Variants in KAT6A observed in about 807,000 individuals in gnomAD.
KAT6A encodes the protein lysine acetyltransferase 6A.
A neutral mutation model predicts 198.4 loss-of-function variants in KAT6A; 9 were observed. That is an observed-to-expected ratio of 0.05 (90% CI 0.03 to 0.08). KAT6A has a LOEUF of 0.08. Ranked by LOEUF, KAT6A falls within the 10% of genes least tolerant of loss-of-function variation. The pLI is 1.00. For missense variants in KAT6A, 2,077 were observed against 2,509.9 expected (o/e 0.83, Z 3.69); for synonymous variants, 890 against 883.0 (o/e 1.01, Z -0.14).
intron 2 of KAT6A, among the ~76,000 whole-genome samples, chr8:42,010,469 C>A (rs1220077917): frequency 6.6e-6 from 1 of 152,082 alleles, no homozygotes; most frequent in Non-Finnish European, 1.5e-5. Flanking sequence ...CTAATTAGGG[C>A]AGATCTACAG....
At chr8:41,989,852 A>T (rs1177213801) in intron 2 of KAT6A, among the ~76,000 whole-genome samples, 1 of 152,234 alleles carries the variant, frequency 6.6e-6, no homozygotes, top group Non-Finnish European at 1.5e-5. Flanking sequence ...GTTGGGTGGA[A>T]CACCAATATC....
Position 41,931,703 on chromosome 8 carries a change from A to C in KAT6A, c.*502T>G. On this transcript the variant is annotated 3_prime_UTR_variant, in exon 17 of 17. Coordinates refer to ENST00000265713, the MANE Select transcript of KAT6A (RefSeq NM_006766.5). ...GGGTTGTTCTCCATGTCCCCATCCG[A>C]GTCTCCCCTAAGTGCCTCCTGCTGG... 1 of 191,278 alleles carries C rather than the reference A, an allele frequency of 5.2e-6. No homozygotes were observed. Among genetic ancestry groups the C allele is most frequent in the Non-Finnish European group, 1.1e-5 (1 of 91,116 alleles). The allele number at this position is 191,278 out of a possible 1,614,324, so 11.8% of individuals were successfully genotyped here.
At chr8:41,962,982 C>A (rs947965456) in intron 8 of KAT6A, among the ~76,000 whole-genome samples, 3 of 152,122 alleles carry the variant, frequency 2.0e-5, no homozygotes, top group Non-Finnish European at 4.4e-5. Flanking sequence ...CCCCACCTGA[C>A]CAATTTAATA....
chr8:41,942,833 T>C lies in KAT6A; in HGVS notation c.2396A>G (p.Asn799Ser), dbSNP rs1228857526. ...EEEEEAEEGENEEPQCQEREL... is the reference protein window; with the variant it reads ...EEEEEAEEGESEEPQCQEREL... ...TCTTTCCTGGCACTGTGGCTCTTCGTTTTCTCCTTCCTCAGCCTCCTCTTC... is the reference window on the plus strand; with the variant it reads ...TCTTTCCTGGCACTGTGGCTCTTCGCTTTCTCCTTCCTCAGCCTCCTCTTC... The change falls in exon 14 of 17, where the codon AAC (asparagine) becomes AGC (serine). Residue 799 changes from asparagine to serine, a missense_variant. Around this residue, in one of 13 missense-constraint regions of KAT6A, gnomAD observed 301 missense variants for 272.2 expected, o/e 1.11. Coordinates refer to ENST00000265713, the MANE Select transcript of KAT6A (RefSeq NM_006766.5). The C allele has an allele frequency of 6.2e-7, 1 of 1,614,128 alleles. No homozygotes were observed. Among genetic ancestry groups the C allele is most frequent in the Non-Finnish European group, 8.5e-7 (1 of 1,180,004 alleles).
rs141667969 is a variant in KAT6A at position 41,940,963 on chromosome 8, T to C, written c.2918A>G (p.Tyr973Cys). The C allele has an allele frequency of 9.4e-5, 151 of 1,614,096 alleles. No homozygotes were observed. Among genetic ancestry groups the C allele is most frequent in the Non-Finnish European group, 1.2e-4 (146 of 1,180,044 alleles). The change falls in exon 15 of 17, where the codon TAC (tyrosine) becomes TGC (cysteine). Residue 973 changes from tyrosine to cysteine, a missense_variant. Transcript: ENST00000265713. ...TEGSERLPRR[Y>C]SEGDRAVLRG... ...GAGGACAGCCCTGTCACCCTCACTG[T>C]AGCGACGGGGCAGCCTCTCACTTCC...
rs551762758 is a variant in KAT6A at position 42,021,764 on chromosome 8, C to G, written c.600+26614G>C. Among the ~76,000 whole-genome samples the G allele has an allele frequency of 1.3e-5, 2 of 152,276 alleles. 1 individual carries two copies. The highest frequency in any genetic ancestry group is 4.8e-5 in the African/African-American group (2 of 41,558). On this transcript the variant is annotated intron_variant, in intron 2 of 16. Coordinates refer to ENST00000265713, the MANE Select transcript of KAT6A (RefSeq NM_006766.5). ...TGGCCAACGTGGAGAAACCCCATCT[C>G]TACTAAAAATACAAAAATTAGGCTG...
intron 8 of KAT6A, chr8:41,957,368 C>T (rs1196642722): frequency 2.0e-6 from 1 of 497,492 alleles, no homozygotes; most frequent in Non-Finnish European, 4.1e-6. Flanking sequence ...GCTCTCTACA[C>T]AGGGAGGAAG....
chr8:41,967,565 C>T (rs950942121), intron 8 of KAT6A, among the ~76,000 whole-genome samples: 6 of 150,734 alleles, frequency 4.0e-5, no homozygotes, highest in Non-Finnish European at 7.4e-5. Flanking sequence ...TTTGTTCTTG[C>T]GATAGTTTAC....
At chr8:41,935,568 T>C (rs554730632) in intron 16 of KAT6A, among the ~76,000 whole-genome samples, 114 of 152,340 alleles carry the variant, frequency 7.5e-4, no homozygotes, top group Admixed American at 2.0e-3. Context: ...TTAAAAAAAC[T>C]ATGGTAAACT....
intron 1 of KAT6A, among the ~76,000 whole-genome samples, chr8:42,051,626 C>T (rs1564092140): frequency 6.9e-6 from 1 of 145,110 alleles, no homozygotes; most frequent in East Asian, 2.0e-4. Flanking sequence ...GCGCGGGGCC[C>T]GCGAGCGCGG....
rs543820111 is a variant in KAT6A at position 42,048,102 on chromosome 8, AG to A, written c.600+275del. 1.9e-3 allele frequency among the ~76,000 whole-genome samples: 282 copies of A among 152,242 alleles called. 1 individual carries two copies. Among genetic ancestry groups the A allele is most frequent in the African/African-American group, 6.3e-3 (262 of 41,552 alleles). On this transcript the variant is annotated intron_variant, in intron 2 of 16. Coordinates refer to ENST00000265713, the MANE Select transcript of KAT6A (RefSeq NM_006766.5). ...AATAATAAAAAAAAATTTAAAAAAA[AG>A]TTTTAAACTCATATGTCACTTTTTC...
chr8:42,020,821 A>C (rs981444657), intron 2 of KAT6A, among the ~76,000 whole-genome samples: 5 of 152,198 alleles, frequency 3.3e-5, no homozygotes, highest in Non-Finnish European at 7.3e-5. Flanking sequence ...AGTGCTATAC[A>C]ACACAGTGCT....
intron 12 of KAT6A, 57 bp from the exon 13 acceptor site, chr8:41,944,036 A>T: frequency 1.7e-6 from 2 of 1,151,228 alleles, no homozygotes; most frequent in South Asian, 1.3e-5. Flanking sequence ...GAAAAACTGG[A>T]TTCACCAAAA....
Position 41,947,745 on chromosome 8 carries a change from A to C in KAT6A, c.1902+6T>G. 1 of 1,585,048 alleles carries C rather than the reference A, an allele frequency of 6.3e-7. No homozygotes were observed. The highest frequency in any genetic ancestry group is 8.5e-7 in the Non-Finnish European group (1 of 1,171,980). Reference sequence around the variant, plus strand: ...GTTCAAACAAACTTTAAGCTGACATACTTACCTTAGAAAAGTAGCCAACAA... The same window carrying C: ...GTTCAAACAAACTTTAAGCTGACATCCTTACCTTAGAAAAGTAGCCAACAA... On this transcript the variant is annotated splice_donor_region_variant and intron_variant, in intron 11 of 16. Transcript: ENST00000265713.
At chr8:41,970,774 T>C (rs1823752283) in intron 8 of KAT6A, among the ~76,000 whole-genome samples, 1 of 152,204 alleles carries the variant, frequency 6.6e-6, no homozygotes, top group East Asian at 1.9e-4. Context: ...CATGCACATG[T>C]ATGTTTATTG....
intron 3 of KAT6A, among the ~76,000 whole-genome samples, chr8:41,984,380 G>A (rs1824502947): frequency 6.6e-6 from 1 of 152,190 alleles, no homozygotes; most frequent in South Asian, 2.1e-4. Context: ...CTGTGAAGAT[G>A]TCCACATGGC....
chr8:41,930,440 G>C lies in KAT6A; in HGVS notation c.*1765C>G, dbSNP rs557239406. The C allele has an allele frequency of 9.0e-6, 2 of 221,760 alleles. No individual in the cohort carries two copies. Among genetic ancestry groups the C allele is most frequent in the South Asian group, 3.7e-4 (2 of 5,430 alleles). 13.7% of individuals were successfully genotyped at this position (221,760 alleles called of 1,614,324 possible). On this transcript the variant is annotated 3_prime_UTR_variant, in exon 17 of 17. Transcript: ENST00000265713. ...ATGTGGAATTCTGCGTTTCTACCTA[G>C]CACGCTTGAGAAAGTCAATTAAAGT... is the stretch of plus-strand genomic sequence containing the variant.
intron 8 of KAT6A, among the ~76,000 whole-genome samples, chr8:41,964,510 A>G (rs912633330): frequency 1.3e-5 from 2 of 152,102 alleles, no homozygotes; most frequent in African/African-American, 4.8e-5. Flanking sequence ...AAATGCTCCA[A>G]AATCTGAAAC....
chr8:42,016,919 C>A (rs1261979195), intron 2 of KAT6A, among the ~76,000 whole-genome samples: 2 of 152,078 alleles, frequency 1.3e-5, no homozygotes, highest in Non-Finnish European at 2.9e-5. Flanking sequence ...AAAATTAGCA[C>A]TACATACACT....
Sources: gnomAD v4.1 joint callset for allele counts (sites outside exome capture counted in the v4.1 genomes callset) on GRCh38, gnomAD v4.1.1 for gene constraint, gnomAD v4.1.1 regional missense constraint, MANE v1.5 for transcripts, NCBI Gene and HGNC (gene_info 2026-07-23, HGNC 2026-07-21) for gene names.